Variants in CIB4 observed in about 807,000 individuals in gnomAD.
The protein encoded by CIB4 is calcium and integrin-binding family member 4.
In CIB4, 25 loss-of-function variants were observed where a neutral mutation model predicts 25.8. The ratio of observed to expected loss-of-function variants is 0.97; its 90% CI spans 0.71 to 1.35. The LOEUF (loss-of-function observed/expected upper bound fraction) is 1.35, where lower values mean the gene tolerates loss of function less well. Ranked by LOEUF, CIB4 falls within the 40% of genes most tolerant of loss-of-function variation. The pLI, the probability that CIB4 is intolerant of heterozygous loss-of-function variation, is 0.00. For synonymous variants in CIB4, 75 were observed against 81.4 expected (o/e 0.92, Z 0.42); for missense variants, 235 against 228.2 (o/e 1.03, Z -0.19).
At chr2:26,581,661 ACT>A (rs1384182069) in intron 6 of CIB4, among the ~76,000 whole-genome samples, 1 of 152,168 alleles carries the variant, frequency 6.6e-6, no homozygotes, top group Non-Finnish European at 1.5e-5. Flanking sequence ...TCAAAGAGAA[ACT>A]CTGAGCAGTC....
At chr2:26,634,257 G>A (rs1280640411) in intron 2 of CIB4, among the ~76,000 whole-genome samples, 2 of 151,972 alleles carry the variant, frequency 1.3e-5, no homozygotes, top group African/African-American at 4.8e-5. Flanking sequence ...CACCCCACGG[G>A]GTCAATAGTC....
chr2:26,628,082 G>A (rs766864074), intron 3 of CIB4, among the ~76,000 whole-genome samples: 8 of 152,202 alleles, frequency 5.3e-5, no homozygotes, highest in Non-Finnish European at 1.2e-4. Context: ...ATTCTGCCAA[G>A]AACCGAATGA....
intron 3 of CIB4, among the ~76,000 whole-genome samples, chr2:26,610,508 T>G (rs1668978323): frequency 6.6e-6 from 1 of 152,224 alleles, no homozygotes; most frequent in South Asian, 2.1e-4. Context: ...CTTTCTGTTC[T>G]TCTCTCTCCT....
intron 3 of CIB4, among the ~76,000 whole-genome samples, chr2:26,618,137 G>A (rs550306216): frequency 7.2e-5 from 11 of 152,206 alleles, no homozygotes; most frequent in Admixed American, 2.0e-4. Flanking sequence ...TGGAGTCCAG[G>A]CCCTGCCTCC....
chr2:26,641,303 G>A lies in CIB4; in HGVS notation c.12C>T (p.Cys4=), dbSNP rs1394680489. 2 of 1,613,560 alleles carry A rather than the reference G, an allele frequency of 1.2e-6. No individual in the cohort carries two copies. Among genetic ancestry groups the A allele is most frequent in the East Asian group, 2.2e-5 (1 of 44,854 alleles). MGQ[C]LRYQMHWEDL... is the part of the protein sequence containing the mutation. ...CCTCCCAGTGCATCTGATACCTCAAGCATTGCCCCATGCCAACCACACCTT... is the reference window on the plus strand; with the variant it reads ...CCTCCCAGTGCATCTGATACCTCAAACATTGCCCCATGCCAACCACACCTT... The change falls in exon 1 of 7, where the codon TGC becomes TGT. Residue 4 remains cysteine (C), a synonymous_variant. Transcript: ENST00000288861.
chr2:26,582,195 G>A (rs1013284478), intron 6 of CIB4, among the ~76,000 whole-genome samples: 1 of 152,192 alleles, frequency 6.6e-6, no homozygotes, highest in African/African-American at 2.4e-5. Context: ...GAGACCAGGG[G>A]CAGAGTCGGA....
chr2:26,591,100 G>A (rs760583410), intron 4 of CIB4, among the ~76,000 whole-genome samples: 12 of 152,232 alleles, frequency 7.9e-5, no homozygotes, highest in South Asian at 2.1e-4. Context: ...AAAGTCAGCG[G>A]AGGCAGACGT....
chr2:26,617,863 C>A (rs1488128324), intron 3 of CIB4, among the ~76,000 whole-genome samples: 2 of 152,174 alleles, frequency 1.3e-5, no homozygotes, highest in Non-Finnish European at 1.5e-5. Flanking sequence ...ATCAACGGAC[C>A]AAACCTCAGA....
At chr2:26,585,359 C>A (rs926386389) in intron 4 of CIB4, among the ~76,000 whole-genome samples, 32 of 151,892 alleles carry the variant, frequency 2.1e-4, no homozygotes, top group South Asian at 4.2e-4. Flanking sequence ...GCAGAGGGTG[C>A]GGGGAGGGCC....
At chr2:26,608,944 G>A (rs903900368) in intron 3 of CIB4, among the ~76,000 whole-genome samples, 1 of 152,114 alleles carries the variant, frequency 6.6e-6, no homozygotes, top group Non-Finnish European at 1.5e-5. Flanking sequence ...TCTCCTGCAA[G>A]CCTGTCCTTT....
In CIB4 at chr2:26,627,187, G is replaced by GT. The variant is rs1669326845; in HGVS notation, c.186+2222_186+2223insA. 6.6e-6 allele frequency among the ~76,000 whole-genome samples: 1 copy of GT among 152,148 alleles called. No individual in the cohort carries two copies. ...CCCCTTGGGCCCTCTGTGGCACCTG[G>GT]AAGACCCAGGCACATGGTCACTGCT... On this transcript the variant is annotated intron_variant, in intron 3 of 6. Transcript: ENST00000288861. The surrounding 1 kb of genome is among the most constrained non-coding windows in gnomAD (Gnocchi z 4.0).
At chr2:26,589,059 CCTCTTCCTCTTCCTCTTCT>C (rs1558554830) in intron 4 of CIB4, among the ~76,000 whole-genome samples, 35 of 29,324 alleles carry the variant, frequency 1.2e-3, no homozygotes, top group Non-Finnish European at 1.9e-3. Context: ...TCTTCTTCTT[CCTCTTCCTCTTCCTCTTCT>C]TCTTCTTCTT....
chr2:26,605,414 T>C, intron 3 of CIB4: 1 of 452,904 alleles, frequency 2.2e-6, no homozygotes, highest in Non-Finnish European at 4.6e-6. Context: ...CTGGGCTACC[T>C]GCAAGTGGCT....
intron 3 of CIB4, among the ~76,000 whole-genome samples, chr2:26,615,467 G>T (rs1669074699): frequency 6.6e-6 from 1 of 152,194 alleles, no homozygotes; most frequent in South Asian, 2.1e-4. Flanking sequence ...TAGAGCCTCA[G>T]GTCATCCATG....
chr2:26,596,320 G>T (rs1236535566), intron 3 of CIB4, among the ~76,000 whole-genome samples: 1 of 152,156 alleles, frequency 6.6e-6, no homozygotes, highest in African/African-American at 2.4e-5. Context: ...GATGCAGGAT[G>T]GTAACACATG....
At chr2:26,581,467 G>A in intron 6 of CIB4, 74 bp from the exon 7 acceptor site, 1 of 1,441,926 alleles carries the variant, frequency 6.9e-7, no homozygotes, top group Non-Finnish European at 9.7e-7. Context: ...GTTCACAGTA[G>A]TCCTGGAGGC....
chr2:26,630,658 G>A (rs73920314), intron 2 of CIB4, among the ~76,000 whole-genome samples: 2,099 of 152,220 alleles, frequency 0.014, 46 homozygotes, highest in African/African-American at 0.047. Context: ...GTTCTGAGGC[G>A]TCGAGCAAGG....
At chr2:26,618,551 C>G (rs1055770128) in intron 3 of CIB4, among the ~76,000 whole-genome samples, 2 of 152,194 alleles carry the variant, frequency 1.3e-5, no homozygotes, top group East Asian at 3.9e-4. Context: ...CCTCCCACCT[C>G]GACCTCCTAA....
intron 3 of CIB4, among the ~76,000 whole-genome samples, chr2:26,621,800 C>G (rs1008707598): frequency 2.0e-5 from 3 of 152,116 alleles, no homozygotes; most frequent in African/African-American, 7.2e-5. Flanking sequence ...GAGGGCAACC[C>G]AGTCCTGGTT....
Sources: gnomAD v4.1 joint callset for allele counts (sites outside exome capture counted in the v4.1 genomes callset) on GRCh38, gnomAD v4.1.1 for gene constraint, Gnocchi (gnomAD v3.1) non-coding constraint, MANE v1.5 for transcripts, NCBI Gene and HGNC (gene_info 2026-07-23, HGNC 2026-07-21) for gene names.